The following STRADA variants were observed in gnomAD, a reference collection of about 807,000 sequenced individuals.
STRADA encodes the protein STE20 related adaptor alpha, also known as STE20-related kinase adapter protein alpha.
In STRADA, 26 loss-of-function variants were observed where a neutral mutation model predicts 55.0. That is an observed-to-expected ratio of 0.47 (90% CI 0.35 to 0.66). The LOEUF is 0.66. Among genes scored for constraint, STRADA ranks in the 30% least tolerant of loss-of-function variants. The pLI is 0.01. For missense variants in STRADA, 443 were observed against 549.7 expected, an observed-to-expected ratio of 0.81 and a Z score of 1.94; for synonymous variants, 197 against 210.9, an observed-to-expected ratio of 0.93 and a Z score of 0.57.
At chr17:63,705,065 C>A in intron 10 of STRADA, 2 of 747,546 alleles carry the variant, frequency 2.7e-6, no homozygotes, top group Admixed American at 2.2e-5. Flanking sequence ...CAAGGGGAGG[C>A]CAGGCTGGGT....
chr17:63,721,485 G>A (rs1258280652), intron 4 of STRADA, among the ~76,000 whole-genome samples: 1 of 151,546 alleles, frequency 6.6e-6, no homozygotes, highest in Non-Finnish European at 1.5e-5. Flanking sequence ...TTGGGAGGCT[G>A]AGTAGGGTAG....
Position 63,707,307 on chromosome 17 carries a change from G to A in STRADA, c.693C>T (p.His231=), listed in dbSNP as rs1376949867. The A allele has an allele frequency of 1.1e-5, 18 of 1,614,076 alleles. No individual in the cohort carries two copies. Among genetic ancestry groups the A allele is most frequent in the South Asian group, 6.6e-5 (6 of 91,086 alleles). ...CCTTGACACTGTACTTGGGAAAATC[G>A]TGGACCACTCGCTGCCGCTGCCCAT... ...ISHGQRQRVV[H]DFPKYSVKVL... is the part of the protein sequence containing the mutation. The change falls in exon 9 of 13, where the codon CAC becomes CAT. Residue 231 remains histidine, a synonymous_variant. Transcript: ENST00000336174.
intron 4 of STRADA, among the ~76,000 whole-genome samples, chr17:63,717,479 A>AT (rs1811647349): frequency 6.6e-6 from 1 of 150,794 alleles, no homozygotes; most frequent in Admixed American, 6.6e-5. Context: ...GGCTAAGTTT[A>AT]TTTATTTATT....
chr17:63,709,882 G>A lies in STRADA; in HGVS notation c.581+609C>T, dbSNP rs1423044190. Among the ~76,000 whole-genome samples the A allele has an allele frequency of 3.3e-5, 5 of 152,140 alleles. No individual in the cohort carries two copies. The South Asian group carries it at 8.3e-4, about 25-fold the overall frequency. On this transcript the variant is annotated intron_variant, in intron 8 of 12. Transcript: ENST00000336174. ...GGGCACAGAAAGAAGGAGGCAGAGA[G>A]TGGAGTACAAAGGTCCACATCAGAT...
intron 1 of STRADA, among the ~76,000 whole-genome samples, chr17:63,733,226 G>A (rs1268226730): frequency 2.0e-5 from 3 of 152,182 alleles, no homozygotes; most frequent in African/African-American, 7.2e-5. Flanking sequence ...AAAGAGATAG[G>A]ATACCCTTCT....
At chr17:63,741,955 A>G (rs2038988663), upstream of STRADA, 1 of 152,156 alleles carries the variant, frequency 6.6e-6, no homozygotes, top group Admixed American at 6.5e-5. Flanking sequence ...AGGCCCTAGC[A>G]GCCGCCGCCG....
chr17:63,714,271 C>T, intron 4 of STRADA, 163 bp from the exon 5 acceptor site: 1 of 628,476 alleles, frequency 1.6e-6, no homozygotes, highest in Non-Finnish European at 3.0e-6. Context: ...ACACTACATT[C>T]AGGGTAGTAA....
chr17:63,729,724 G>C (rs926670938), intron 1 of STRADA, among the ~76,000 whole-genome samples: 3 of 151,872 alleles, frequency 2.0e-5, no homozygotes, highest in African/African-American at 7.3e-5. Context: ...AGGAGGCAGA[G>C]GTTGCAGTGA....
chr17:63,720,691 G>A (rs1206139327), intron 4 of STRADA, among the ~76,000 whole-genome samples: 1 of 150,468 alleles, frequency 6.6e-6, no homozygotes, highest in African/African-American at 2.4e-5. Context: ...GGAGAATGCC[G>A]TGAACCCGGG....
At chr17:63,728,669 C>T (rs1184704074) in intron 1 of STRADA, among the ~76,000 whole-genome samples, 3 of 144,752 alleles carry the variant, frequency 2.1e-5, no homozygotes, top group Admixed American at 7.2e-5. Flanking sequence ...GAGGCCGAGG[C>T]GGGCGGATCA....
chr17:63,726,649 T>A lies in STRADA; in HGVS notation c.83A>T (p.Glu28Val). Residue 28 changes from glutamate to valine, a missense_variant, in exon 3 of 13, where the codon GAA becomes GTA. Physicochemically the swap from Glu to Val is moderately radical, Grantham distance 121. Coordinates refer to ENST00000336174, the MANE Select transcript of STRADA (RefSeq NM_001003787.4). The part of the protein sequence containing the change: ...KFIVEGLRDL[E>V]LFGEQPPGDT... ...CATACTGTACTTACCTCCAAATAGT[T>A]CCAAATCTCTTAAGCCCTCAACAAT... 6.2e-7 allele frequency: 1 copy of A among 1,614,064 alleles called. No homozygotes were observed. The highest frequency in any genetic ancestry group is 8.5e-7 in the Non-Finnish European group (1 of 1,179,994).
chr17:63,704,303 T>C (rs780898288), intron 11 of STRADA, 38 bp downstream of exon 11: 4 of 1,608,048 alleles, frequency 2.5e-6, no homozygotes, highest in South Asian at 1.1e-5. Flanking sequence ...GAGCACCCTC[T>C]GCTCTCCCGA....
chr17:63,732,194 G>T (rs528911011), intron 1 of STRADA, among the ~76,000 whole-genome samples: 1 of 151,394 alleles, frequency 6.6e-6, no homozygotes, highest in Non-Finnish European at 1.5e-5. Flanking sequence ...TAGTAGAGAC[G>T]GGGTTTTGCC....
chr17:63,740,105 T>TATATAC (rs1354662253), intron 1 of STRADA, among the ~76,000 whole-genome samples: 617 of 56,662 alleles, frequency 0.011, 113 homozygotes, highest in African/African-American at 0.066. Context: ...TATATATATA[T>TATATAC]ATACATACAT....
chr17:63,704,282 CTTACCCTCCTGA>C, intron 11 of STRADA, 47 bp downstream of exon 11: 1 of 1,600,032 alleles, frequency 6.2e-7, no homozygotes, highest in South Asian at 1.1e-5. Context: ...ACACCCTGGC[CTTACCCTCCTGA>C]GCACCCTCTG....
At chr17:63,723,368 A>G (rs2037438653) in intron 3 of STRADA, 42 bp from the exon 4 acceptor site, 2 of 1,611,762 alleles carry the variant, frequency 1.2e-6, no homozygotes, top group African/African-American at 1.3e-5. Context: ...GTGTTTTAGC[A>G]GAAGACACAC....
chr17:63,723,539 G>C, intron 3 of STRADA: 1 of 573,380 alleles, frequency 1.7e-6, no homozygotes, highest in East Asian at 2.9e-5. Context: ...ATGGATCTAT[G>C]GTTCTTCAAA....
At chr17:63,705,122 C>A (rs2035997820) in intron 10 of STRADA, 1 of 608,778 alleles carries the variant, frequency 1.6e-6, no homozygotes, top group Non-Finnish European at 2.9e-6. Flanking sequence ...ACCAGCCCCA[C>A]CTGGGACTGC....
Position 63,713,467 on chromosome 17 carries a change from T to C in STRADA, c.287A>G (p.Tyr96Cys). The change falls in exon 6 of 13, where the codon TAC (tyrosine) becomes TGC (cysteine). Residue 96 changes from tyrosine to cysteine, a missense_variant. Physicochemically the swap from Tyr to Cys is radical, Grantham distance 194 (BLOSUM62 -2). Coordinates refer to ENST00000336174, the MANE Select transcript of STRADA (RefSeq NM_001003787.4). ...NLARYKPTGE[Y>C]VTVRRINLEA... ...TAGGTTAATCCTCCGTACAGTCACG[T>C]ACTCTCCTGTTGGTTTGTACCTTGC... 1 of 1,614,266 alleles carries C rather than the reference T, an allele frequency of 6.2e-7. No individual in the cohort carries two copies.
Sources: allele counts gnomAD v4.1 joint callset (sites outside exome capture counted in the v4.1 genomes callset), GRCh38; gene constraint gnomAD v4.1.1; transcripts MANE v1.5; gene names NCBI Gene and HGNC (gene_info 2026-07-23, HGNC 2026-07-21).